Variants in RUNX3 observed in about 807,000 individuals in gnomAD.
RUNX3 encodes the protein runt-related transcription factor 3.
In RUNX3, 10 loss-of-function variants were observed where a neutral mutation model predicts 27.7. The observed-to-expected ratio is 0.36, with a 90% CI of 0.22 to 0.61. The LOEUF is 0.61. Among genes scored for constraint, RUNX3 ranks in the 20% least tolerant of loss-of-function variants. The probability of loss-of-function intolerance (pLI) is 0.72; values close to 1 mark genes in which losing one functional copy is unlikely to be tolerated. For synonymous variants in RUNX3, 270 were observed against 269.2 expected (o/e 1.00, Z -0.03); for missense variants, 469 against 629.5 (o/e 0.75, Z 2.73).
chr1:24,907,309 G>A lies in RUNX3; in HGVS notation c.653C>T (p.Ser218Leu). 3 of 1,612,812 alleles carry A rather than the reference G, an allele frequency of 1.9e-6. No homozygotes were observed. The highest frequency in any genetic ancestry group is 2.5e-6 in the Non-Finnish European group (3 of 1,180,012). ...GCTGAAGTGGCTTGTGGTGCTGAGT[G>A]AGCCTCGGGGGCTGGGTGTGCTCGG... The part of the protein sequence containing the change: ...VTPSTPSPRG[S>L]LSTTSHFSSQ... The change falls in exon 4 of 5, where the codon TCA becomes TTA. Residue 218 changes from serine to leucine, a missense_variant. Ser to Leu is a moderately radical substitution (Grantham distance 145). Around this residue, in one of 3 missense-constraint regions of RUNX3, gnomAD observed 279 missense variants for 343.0 expected, o/e 0.81. Coordinates refer to ENST00000308873, the MANE Select transcript of RUNX3 (RefSeq NM_004350.3).
rs1641032910 is a variant in RUNX3, at chr1:24,923,167, G to A, written c.440-3823C>T. On this transcript the variant is annotated intron_variant, in intron 2 of 4. Transcript: ENST00000308873. The surrounding 1 kb of genome is among the most constrained non-coding windows in gnomAD (Gnocchi z 5.9). ...CCACATGCCACCCCTGAGGTCACCA[G>A]CACTCCTCGGCCGCTTCCACCAGCT... Among the ~76,000 whole-genome samples, 1 of 152,128 alleles carries A rather than the reference G, an allele frequency of 6.6e-6. No individual in the cohort carries two copies. The highest frequency in any genetic ancestry group is 6.5e-5 in the Admixed American group (1 of 15,268).
intron 2 of RUNX3, among the ~76,000 whole-genome samples, chr1:24,925,152 T>C (rs1641075149): frequency 6.6e-6 from 1 of 152,190 alleles, no homozygotes; most frequent in Non-Finnish European, 1.5e-5. Context: ...GTGGCCCAGA[T>C]TGTCACTGTC....
chr1:24,957,275 G>A (rs1237412889), intron 2 of RUNX3, among the ~76,000 whole-genome samples: 1 of 152,134 alleles, frequency 6.6e-6, no homozygotes, highest in Non-Finnish European at 1.5e-5. Flanking sequence ...ACAGTGAAGG[G>A]GGAAGTGAGG....
At chr1:24,954,556 T>C (rs1291115772) in intron 2 of RUNX3, among the ~76,000 whole-genome samples, 1 of 152,212 alleles carries the variant, frequency 6.6e-6, no homozygotes. Flanking sequence ...AAATTCTTAC[T>C]GATTTTTGAA....
chr1:24,958,839 T>G (rs1642020813), intron 2 of RUNX3, among the ~76,000 whole-genome samples: 1 of 152,176 alleles, frequency 6.6e-6, no homozygotes, highest in African/African-American at 2.4e-5. Flanking sequence ...GTGTTTGGGT[T>G]CAGTCTGGAA....
chr1:24,956,858 G>T (rs1347628973), intron 2 of RUNX3, among the ~76,000 whole-genome samples: 1 of 152,096 alleles, frequency 6.6e-6, no homozygotes, highest in Non-Finnish European at 1.5e-5. Flanking sequence ...TTCTCCAAGC[G>T]TTCCGTCCCC....
upstream of RUNX3, among the ~76,000 whole-genome samples, chr1:24,932,849 C>T (rs1641263391): frequency 6.6e-6 from 1 of 152,196 alleles, no homozygotes; most frequent in African/African-American, 2.4e-5. Flanking sequence ...GACAAACAGG[C>T]CAGTTTCTCC....
chr1:24,902,520 G>T lies in RUNX3; in HGVS notation c.850C>A (p.Pro284Thr), dbSNP rs201347846. Residue 284 changes from proline to threonine, a missense_variant, in exon 5 of 5, where the codon CCC (proline) becomes ACC (threonine). Pro to Thr is a conservative substitution (Grantham distance 38). This residue lies in a region of RUNX3 where 279 missense variants were observed against 343.0 expected (regional missense o/e 0.81). Coordinates refer to ENST00000308873, the MANE Select transcript of RUNX3 (RefSeq NM_004350.3). This position sits in a 1 kb window ranked among gnomAD's most constrained non-coding sequence, Gnocchi z 9.2. The stretch of plus-strand genomic sequence containing the variant: ...AGGCTGCTGATGCTCGTGCCCGAGG[G>T]CGTGGCGCTGTAGGGGAAGGCAGCT... Reference protein sequence around the residue: ...MSAAFPYSATPSGTSISSLSV... With the variant: ...MSAAFPYSATTSGTSISSLSV... The T allele has an allele frequency of 1.9e-6, 3 of 1,596,756 alleles. No individual in the cohort carries two copies. Among genetic ancestry groups the T allele is most frequent in the South Asian group, 2.2e-5 (2 of 90,132 alleles).
At chr1:24,928,097 C>A (rs994438965) in intron 1 of RUNX3, among the ~76,000 whole-genome samples, 1 of 152,186 alleles carries the variant, frequency 6.6e-6, no homozygotes, top group Non-Finnish European at 1.5e-5. Context: ...AATCAACATG[C>A]TCCTAGCAAC....
Position 24,930,104 on chromosome 1 carries a change from T to A in RUNX3, c.-236A>T. On this transcript the variant is annotated 5_prime_UTR_variant, in exon 1 of 5. Transcript: ENST00000308873. This position sits in a 1 kb window ranked among gnomAD's most constrained non-coding sequence, Gnocchi z 4.1. The stretch of plus-strand genomic sequence containing the variant: ...AGCCTGCCCGGCTAGTCCCGCATCC[T>A]CGGCGCGCGGCCCCGCGTGCGGCCG... 1.0e-6 allele frequency: 1 copy of A among 977,256 alleles called. No homozygotes were observed. The highest frequency in any genetic ancestry group is 1.2e-6 in the Non-Finnish European group (1 of 827,136). 60.5% of individuals were successfully genotyped at this position (977,256 alleles called of 1,614,324 possible).
intron 2 of RUNX3, among the ~76,000 whole-genome samples, chr1:24,956,392 C>G (rs139249727): frequency 6.6e-6 from 1 of 152,260 alleles, no homozygotes; most frequent in African/African-American, 2.4e-5. Flanking sequence ...GCGGACCACA[C>G]AGTATTAACT....
At position 24,902,365 on chromosome 1, in the gene RUNX3, C is replaced by A. The variant is rs1483115983; in HGVS notation, c.1005G>T (p.Gly335=). The part of the protein sequence containing the change: ...ANPSPYHLYY[G]TSSGSYQFSM... ...AGAACTGGTAGGAGCCAGAGGATGT[C>A]CCGTAGTAGAGGTGGTAGGGGGACG... The change falls in exon 5 of 5, where the codon GGG becomes GGT. Residue 335 remains glycine, a synonymous_variant. Transcript: ENST00000308873. The surrounding 1 kb of genome is among the most constrained non-coding windows in gnomAD (Gnocchi z 9.2). The A allele has an allele frequency of 6.2e-7, 1 of 1,612,330 alleles. No individual in the cohort carries two copies.
upstream of RUNX3, among the ~76,000 whole-genome samples, chr1:24,934,660 G>T (rs1340705944): frequency 1.3e-5 from 2 of 152,198 alleles, no homozygotes; most frequent in Non-Finnish European, 2.9e-5. Context: ...AAGCAAAGAG[G>T]AACGTTGTCC....
chr1:24,941,225 A>G, intron 2 of RUNX3, among the ~76,000 whole-genome samples: 1 of 152,008 alleles, frequency 6.6e-6, no homozygotes, highest in East Asian at 1.9e-4. Flanking sequence ...CACGCTCCCC[A>G]AGCACTCCTC....
At chr1:24,956,435 T>G (rs143267655) in intron 2 of RUNX3, among the ~76,000 whole-genome samples, 17 of 152,324 alleles carry the variant, frequency 1.1e-4, no homozygotes, top group Middle Eastern at 3.4e-3. Flanking sequence ...CCTCTAGTCT[T>G]TTTTCTGAGG....
intron 2 of RUNX3, among the ~76,000 whole-genome samples, chr1:24,936,887 G>A (rs748295307): frequency 6.6e-6 from 1 of 152,214 alleles, no homozygotes; most frequent in African/African-American, 2.4e-5. Context: ...GTGAAAGAAC[G>A]CCTCAGACAT....
chr1:24,947,197 G>C (rs1641629516), intron 2 of RUNX3, among the ~76,000 whole-genome samples: 1 of 152,182 alleles, frequency 6.6e-6, no homozygotes, highest in South Asian at 2.1e-4. Flanking sequence ...CTTGTCACCT[G>C]GGGGTGCAAA....
At chr1:24,922,150 CCCTT>C (rs1190899414) in intron 2 of RUNX3, among the ~76,000 whole-genome samples, 32 of 150,824 alleles carry the variant, frequency 2.1e-4, no homozygotes, top group African/African-American at 5.8e-4. Flanking sequence ...TTCCTTCCCT[CCCTT>C]CCTTCCTTCC....
chr1:24,960,697 G>A (rs529108349), intron 2 of RUNX3, among the ~76,000 whole-genome samples: 3 of 152,272 alleles, frequency 2.0e-5, no homozygotes, highest in African/African-American at 7.2e-5. Flanking sequence ...GGGTGCAGAG[G>A]AGGGCCTCAT....
Sources: allele counts gnomAD v4.1 joint callset (sites outside exome capture counted in the v4.1 genomes callset), GRCh38; gene constraint gnomAD v4.1.1; regional missense constraint gnomAD v4.1.1; non-coding constraint Gnocchi (gnomAD v3.1); transcripts MANE v1.5; gene names NCBI Gene and HGNC (gene_info 2026-07-23, HGNC 2026-07-21).